The following EXOC6B variants were observed in gnomAD, a reference collection of about 807,000 sequenced individuals.
The protein encoded by EXOC6B is exocyst complex component 6B, also known as SEC15 homolog B.
A neutral mutation model predicts 113.5 loss-of-function variants in EXOC6B; 54 were observed. That is an observed-to-expected ratio of 0.48 (90% CI 0.38 to 0.60). The LOEUF is 0.60. EXOC6B is among the 20% of genes least tolerant of loss of function. EXOC6B has a pLI of 0.00. For synonymous variants in EXOC6B, 357 were observed against 339.0 expected (o/e 1.05, Z -0.58); for missense variants, 797 against 977.5 (o/e 0.82, Z 2.46).
chr2:72,718,430 A>T (rs957638882), intron 5 of EXOC6B, 123 bp from the exon 6 acceptor site: 1 of 567,812 alleles, frequency 1.8e-6, no homozygotes, highest in African/African-American at 1.9e-5. Context: ...TAATGAGAAC[A>T]TCAGTGAAAA....
chr2:72,223,643 T>C (rs1681013603), intron 20 of EXOC6B, among the ~76,000 whole-genome samples: 1 of 152,202 alleles, frequency 6.6e-6, no homozygotes, highest in Non-Finnish European at 1.5e-5. Context: ...ATTAAATACA[T>C]TTATAAAGAC....
At chr2:72,591,707 T>C (rs981929487) in intron 6 of EXOC6B, among the ~76,000 whole-genome samples, 1 of 152,180 alleles carries the variant, frequency 6.6e-6, no homozygotes, top group African/African-American at 2.4e-5. Flanking sequence ...CCTAATGAAA[T>C]TTAACCTTGT....
intron 5 of EXOC6B, among the ~76,000 whole-genome samples, chr2:72,724,587 C>T (rs1249465122): frequency 6.6e-6 from 1 of 151,792 alleles, no homozygotes; most frequent in African/African-American, 2.4e-5. Flanking sequence ...AAGAACTGAC[C>T]TACAACCAGG....
chr2:72,515,815 A>G, intron 8 of EXOC6B: 1 of 780,436 alleles, frequency 1.3e-6, no homozygotes, highest in Middle Eastern at 6.4e-4. Context: ...ATTTGGAAAT[A>G]GGGCCATTGT....
In EXOC6B at chr2:72,205,039, G is replaced by A. The variant is rs534520736; in HGVS notation, c.2197-20852C>T. ...AAGTCTACAGATGAAACACAAACCT[G>A]CTCTGGTCCTTGCTCCTGGCTTCTC... On this transcript the variant is annotated intron_variant, in intron 20 of 21. Transcript: ENST00000272427. Among the ~76,000 whole-genome samples, 9 of 152,200 alleles carry A rather than the reference G, an allele frequency of 5.9e-5. No individual in the cohort carries two copies. The South Asian group carries it at 1.5e-3, about 25-fold the overall frequency.
intron 20 of EXOC6B, among the ~76,000 whole-genome samples, chr2:72,317,156 G>GT (rs397949580): frequency 0.19 from 27,258 of 144,592 alleles, 4,772 homozygotes; most frequent in African/African-American, 0.48. Context: ...ATTGTGGTTT[G>GT]TTTTTTTTTT....
At chr2:72,659,880 G>C (rs183344969) in intron 6 of EXOC6B, among the ~76,000 whole-genome samples, 2 of 152,132 alleles carry the variant, frequency 1.3e-5, no homozygotes, top group Admixed American at 1.3e-4. Context: ...ATTCACATTT[G>C]TTGTGCATAT....
At chr2:72,668,939 T>C (rs1251154438) in intron 6 of EXOC6B, among the ~76,000 whole-genome samples, 3 of 152,078 alleles carry the variant, frequency 2.0e-5, no homozygotes, top group Admixed American at 6.5e-5. Flanking sequence ...AACAAAAAAA[T>C]TGCTGGGTGT....
chr2:72,522,356 T>C (rs1321602879), intron 8 of EXOC6B, among the ~76,000 whole-genome samples: 1 of 152,200 alleles, frequency 6.6e-6, no homozygotes. Context: ...AGTCTAATAA[T>C]TAATCCTATC....
intron 20 of EXOC6B, among the ~76,000 whole-genome samples, chr2:72,222,633 G>GAA (rs1468558247): frequency 6.6e-6 from 1 of 152,050 alleles, no homozygotes; most frequent in African/African-American, 2.4e-5. Context: ...TCCTTATGGG[G>GAA]TACAAGTATA....
At chr2:72,320,121 C>G (rs1409900178) in intron 20 of EXOC6B, among the ~76,000 whole-genome samples, 2 of 151,062 alleles carry the variant, frequency 1.3e-5, no homozygotes, top group East Asian at 3.9e-4. Context: ...AGGCGTGAGC[C>G]ACCACTCCCA....
At chr2:72,637,662 C>T (rs549413061) in intron 6 of EXOC6B, among the ~76,000 whole-genome samples, 101 of 152,062 alleles carry the variant, frequency 6.6e-4, no homozygotes, top group African/African-American at 2.3e-3. Context: ...TGGTGGCACT[C>T]GCCTTTAGTC....
At chr2:72,623,367 A>G (rs2104205814) in intron 6 of EXOC6B, among the ~76,000 whole-genome samples, 1 of 152,308 alleles carries the variant, frequency 6.6e-6, no homozygotes, top group Middle Eastern at 3.4e-3. Flanking sequence ...AAACAGATAT[A>G]CTTTAAGTAT....
chr2:72,219,545 C>T (rs1159259974), intron 20 of EXOC6B, among the ~76,000 whole-genome samples: 1 of 152,094 alleles, frequency 6.6e-6, no homozygotes, highest in Non-Finnish European at 1.5e-5. Flanking sequence ...GCATTCCTCA[C>T]TCTTTAAATA....
chr2:72,330,557 G>A (rs1200620394), intron 20 of EXOC6B, among the ~76,000 whole-genome samples: 3 of 152,000 alleles, frequency 2.0e-5, no homozygotes, highest in Non-Finnish European at 4.4e-5. Flanking sequence ...AACAATGCTT[G>A]ACTTTCAGTG....
chr2:72,689,893 G>A (rs1490033043), intron 6 of EXOC6B, among the ~76,000 whole-genome samples: 1 of 152,200 alleles, frequency 6.6e-6, no homozygotes, highest in Non-Finnish European at 1.5e-5. Flanking sequence ...GTATTGCTAA[G>A]CTTCTCATTC....
intron 6 of EXOC6B, among the ~76,000 whole-genome samples, chr2:72,576,177 A>T (rs986676685): frequency 6.6e-6 from 1 of 152,152 alleles, no homozygotes; most frequent in African/African-American, 2.4e-5. Flanking sequence ...TGTGGATATA[A>T]GAGACCAATG....
chr2:72,255,727 C>T (rs1683315886), intron 20 of EXOC6B, among the ~76,000 whole-genome samples: 4 of 152,108 alleles, frequency 2.6e-5, no homozygotes, highest in African/African-American at 7.2e-5. Flanking sequence ...CCATATCTAA[C>T]GTAGATGATT....
intron 6 of EXOC6B, among the ~76,000 whole-genome samples, chr2:72,613,609 A>T (rs1465953810): frequency 6.6e-6 from 1 of 152,110 alleles, no homozygotes; most frequent in East Asian, 1.9e-4. Flanking sequence ...ATTTCACCAA[A>T]TATTACTTAA....
Sources: allele counts gnomAD v4.1 joint callset (sites outside exome capture counted in the v4.1 genomes callset), GRCh38; gene constraint gnomAD v4.1.1; transcripts MANE v1.5; gene names NCBI Gene and HGNC (gene_info 2026-07-23, HGNC 2026-07-21).